Variants in MEGF10 observed in about 807,000 individuals in gnomAD.
MEGF10 encodes the protein multiple EGF like domains 10.
Under a neutral mutation model 147.5 loss-of-function variants are expected in MEGF10, and 86 were observed. That is an observed-to-expected ratio of 0.58 (90% CI 0.49 to 0.70). MEGF10 has a LOEUF of 0.70. Ranked by LOEUF, MEGF10 falls within the 30% of genes least tolerant of loss-of-function variation. The pLI, the probability that MEGF10 is intolerant of heterozygous loss-of-function variation, is 0.00. For synonymous variants in MEGF10, 478 were observed against 525.5 expected (o/e 0.91, Z 1.24); for missense variants, 1,329 against 1,487.3 (o/e 0.89, Z 1.75).
intron 5 of MEGF10, among the ~76,000 whole-genome samples, chr5:127,387,840 T>C (rs772502280): frequency 1.2e-4 from 18 of 152,230 alleles, no homozygotes; most frequent in Non-Finnish European, 1.2e-4. Context: ...CAATGTATCT[T>C]AGAAAGCCTC....
rs1765448371 is a variant in MEGF10, at chr5:127,433,327, C to A, written c.1694-36C>A. On this transcript the variant is annotated intron_variant, in intron 13 of 24. Coordinates refer to ENST00000503335, the MANE Select transcript of MEGF10 (RefSeq NM_001256545.2). ...AGCATCTGCGGAAACTCCGCACTGC[C>A]TCTCACTCAGCCTTGCCCCATGTGC... 6 of 1,613,998 alleles carry A rather than the reference C, an allele frequency of 3.7e-6. No individual in the cohort carries two copies. In the East Asian group the frequency reaches 1.3e-4, roughly 36 times the overall value.
At chr5:127,400,707 G>C (rs1311491818) in intron 7 of MEGF10, among the ~76,000 whole-genome samples, 3 of 152,196 alleles carry the variant, frequency 2.0e-5, no homozygotes, top group Admixed American at 2.0e-4. Context: ...AGTTGGGATG[G>C]TCAGGATGTG....
chr5:127,328,295 T>C (rs531791467), intron 1 of MEGF10, among the ~76,000 whole-genome samples: 1 of 152,322 alleles, frequency 6.6e-6, no homozygotes, highest in South Asian at 2.1e-4. Context: ...TAGAGCTCAG[T>C]TAATTTTCTA....
chr5:127,266,561 T>C, the MEGF10 span, among the ~76,000 whole-genome samples: 1 of 152,186 alleles, frequency 6.6e-6, no homozygotes, highest in Non-Finnish European at 1.5e-5. Context: ...GAGCATGGAA[T>C]GTTCTTCCAT....
intron 2 of MEGF10, among the ~76,000 whole-genome samples, chr5:127,334,239 T>C (rs1046714383): frequency 6.6e-6 from 1 of 152,142 alleles, no homozygotes; most frequent in African/African-American, 2.4e-5. Flanking sequence ...GGGCTCATTT[T>C]AAGCTCTTCT....
intron 5 of MEGF10, among the ~76,000 whole-genome samples, chr5:127,388,525 AT>A: frequency 1.0e-5 from 1 of 99,466 alleles, no homozygotes; most frequent in Non-Finnish European, 2.1e-5. Flanking sequence ...CTTTTTATTT[AT>A]TTATTTATTT....
intron 9 of MEGF10, among the ~76,000 whole-genome samples, chr5:127,413,171 A>G (rs1416811514): frequency 6.6e-6 from 1 of 152,190 alleles, no homozygotes; most frequent in East Asian, 1.9e-4. Context: ...ATTTAAATAT[A>G]TTTATAAGTA....
intron 4 of MEGF10, among the ~76,000 whole-genome samples, chr5:127,345,983 T>A (rs1252713285): frequency 6.6e-6 from 1 of 152,196 alleles, no homozygotes; most frequent in African/African-American, 2.4e-5. Context: ...TCACTTAGAA[T>A]AACGGTTCCC....
At position 127,339,242 on chromosome 5, in the gene MEGF10, T is replaced by C. The variant is rs1377570178; in HGVS notation, c.218+21T>C. Reference sequence around the variant, plus strand: ...CACAGGTAATAGAAGCTCAGGCATGTTTGTGAGTTTGGCTAACTGGGAATA... The same window carrying C: ...CACAGGTAATAGAAGCTCAGGCATGCTTGTGAGTTTGGCTAACTGGGAATA... On this transcript the variant is annotated intron_variant, in intron 3 of 24. Coordinates refer to ENST00000503335, the MANE Select transcript of MEGF10 (RefSeq NM_001256545.2). 2.6e-6 allele frequency: 4 copies of C among 1,539,544 alleles called. 1 individual carries two copies. The Admixed American group carries it at 6.8e-5, about 26-fold the overall frequency.
chr5:127,326,138 C>T (rs1018144279), intron 1 of MEGF10, among the ~76,000 whole-genome samples: 49 of 151,682 alleles, frequency 3.2e-4, no homozygotes, highest in African/African-American at 1.1e-3. Context: ...TAGTCGCAAA[C>T]TCCTGGGCTC....
chr5:127,338,532 T>C (rs571918588), intron 2 of MEGF10, among the ~76,000 whole-genome samples: 19 of 152,282 alleles, frequency 1.2e-4, no homozygotes, highest in Non-Finnish European at 1.3e-4. Flanking sequence ...GCTAATTGTC[T>C]CAGCCATATG....
intron 16 of MEGF10, among the ~76,000 whole-genome samples, chr5:127,438,123 G>T (rs910654394): frequency 6.6e-6 from 1 of 152,166 alleles, no homozygotes; most frequent in African/African-American, 2.4e-5. Flanking sequence ...CTTGGGCCTG[G>T]AACAGTGTTG....
chr5:127,435,627 CTT>C, intron 16 of MEGF10, 138 bp downstream of exon 16: 1 of 853,004 alleles, frequency 1.2e-6, no homozygotes, highest in Non-Finnish European at 1.6e-6. Context: ...ACTTTAAATT[CTT>C]TTTTTAAAAT....
upstream of MEGF10, among the ~76,000 whole-genome samples, chr5:127,285,998 T>G (rs1361342064): frequency 6.6e-6 from 1 of 152,116 alleles, no homozygotes; most frequent in East Asian, 1.9e-4. Context: ...TGGAATCGTG[T>G]TATTTGCAGC....
At chr5:127,369,889 G>C in intron 4 of MEGF10, 21 bp from the exon 5 acceptor site, 1 of 1,583,912 alleles carries the variant, frequency 6.3e-7, no homozygotes, top group Non-Finnish European at 8.6e-7. Flanking sequence ...TTCTTTATTT[G>C]ATTGATTTTC....
intron 5 of MEGF10, among the ~76,000 whole-genome samples, chr5:127,387,001 G>A (rs1029942999): frequency 1.2e-4 from 19 of 152,268 alleles, no homozygotes; most frequent in African/African-American, 4.6e-4. Context: ...CCATGGGCTA[G>A]CTAGGGCCCA....
chr5:127,453,168 C>T (rs1175632232), intron 22 of MEGF10, among the ~76,000 whole-genome samples: 1 of 152,198 alleles, frequency 6.6e-6, no homozygotes, highest in Non-Finnish European at 1.5e-5. Flanking sequence ...ATGTTCATTG[C>T]TAGTTGTTAC....
At chr5:127,452,417 G>C (rs144825233) in intron 22 of MEGF10, among the ~76,000 whole-genome samples, 1 of 152,114 alleles carries the variant, frequency 6.6e-6, no homozygotes, top group Non-Finnish European at 1.5e-5. Context: ...CATCTTCATG[G>C]GTCCTCTTTA....
chr5:127,330,264 C>T (rs562381300), intron 1 of MEGF10, among the ~76,000 whole-genome samples: 2 of 152,294 alleles, frequency 1.3e-5, no homozygotes, highest in East Asian at 3.9e-4. Context: ...CAAGAGCCTC[C>T]CCTTGCAGCT....
Sources: allele counts gnomAD v4.1 joint callset (sites outside exome capture counted in the v4.1 genomes callset), GRCh38; gene constraint gnomAD v4.1.1; transcripts MANE v1.5; gene names NCBI Gene and HGNC (gene_info 2026-07-23, HGNC 2026-07-21).